FGGY: variants seen among roughly 807,000 people sequenced by gnomAD.
FGGY encodes FGGY carbohydrate kinase domain containing.
In FGGY, 72 loss-of-function variants were observed where a neutral mutation model predicts 71.3. The ratio of observed to expected loss-of-function variants is 1.01; its 90% CI spans 0.84 to 1.23. The LOEUF (loss-of-function observed/expected upper bound fraction) is 1.23. FGGY is among the 50% of genes most tolerant of loss of function. The pLI is 0.00. For missense variants in FGGY, 668 were observed against 682.3 expected (o/e 0.98, Z 0.23); for synonymous variants, 251 against 250.3 (o/e 1.00, Z -0.02).
intron 8 of FGGY, among the ~76,000 whole-genome samples, chr1:59,593,176 T>G (rs898402222): frequency 6.6e-6 from 1 of 152,210 alleles, no homozygotes; most frequent in African/African-American, 2.4e-5. Flanking sequence ...GTGATGAGCA[T>G]TTGTTGAGTG....
chr1:59,437,856 T>C (rs773676872), intron 5 of FGGY, among the ~76,000 whole-genome samples: 1 of 152,326 alleles, frequency 6.6e-6, no homozygotes, highest in South Asian at 2.1e-4. Context: ...AGGAAAATCA[T>C]GTAGTGAAGT....
intron 7 of FGGY, among the ~76,000 whole-genome samples, chr1:59,525,990 C>A (rs564185447): frequency 7.9e-5 from 12 of 151,946 alleles, no homozygotes; most frequent in African/African-American, 2.7e-4. Flanking sequence ...TGTCTGAATG[C>A]GTGTGTGTAT....
intron 14 of FGGY, among the ~76,000 whole-genome samples, chr1:59,756,416 A>T (rs1234423132): frequency 6.6e-6 from 1 of 152,230 alleles, no homozygotes; most frequent in Non-Finnish European, 1.5e-5. Flanking sequence ...AATTCGTGTA[A>T]GCTAGCAGAT....
At chr1:59,713,053 C>T (rs902541887) in intron 14 of FGGY, among the ~76,000 whole-genome samples, 3 of 152,144 alleles carry the variant, frequency 2.0e-5, no homozygotes, top group African/African-American at 7.2e-5. Context: ...TTAGGAATTT[C>T]TTATGCCAGA....
chr1:59,677,323 G>A (rs2097445724), intron 14 of FGGY, among the ~76,000 whole-genome samples: 1 of 152,208 alleles, frequency 6.6e-6, no homozygotes, highest in Admixed American at 6.5e-5. Flanking sequence ...CCTTAAGAAA[G>A]TTGAGCAATT....
At position 59,724,026 on chromosome 1, in the gene FGGY, GGTGGCA is replaced by G. The variant is rs1186660675; in HGVS notation, c.1513-33903_1513-33898del. ...AGAAATGCAAAAATTAGCCAGGCAT[GGTGGCA>G]GGGGCCTGTAATCCCAGCTACTCAG... On this transcript the variant is annotated intron_variant, in intron 14 of 15. Transcript: ENST00000303721. 3.9e-5 allele frequency among the ~76,000 whole-genome samples: 6 copies of G among 152,038 alleles called. No homozygotes were observed. In the South Asian group the frequency reaches 6.2e-4, roughly 16 times the overall value.
intron 2 of FGGY, among the ~76,000 whole-genome samples, chr1:59,334,713 T>C (rs1337154908): frequency 6.6e-6 from 1 of 152,118 alleles, no homozygotes; most frequent in Non-Finnish European, 1.5e-5. Context: ...AAAAAATAAT[T>C]ATATATTTTA....
intron 8 of FGGY, among the ~76,000 whole-genome samples, chr1:59,566,279 TCATTTAGTTCTACATA>T (rs1220945744): frequency 6.6e-6 from 1 of 152,186 alleles, no homozygotes; most frequent in Non-Finnish European, 1.5e-5. Flanking sequence ...ATGCATGAGC[TCATTTAGTTCTACATA>T]CATTTAGTTC....
intron 8 of FGGY, among the ~76,000 whole-genome samples, chr1:59,569,173 C>T (rs1427374793): frequency 6.6e-6 from 1 of 152,140 alleles, no homozygotes; most frequent in African/African-American, 2.4e-5. Context: ...TTCTAATCCT[C>T]ACAACAAATA....
chr1:59,442,515 G>T (rs1382587644), intron 5 of FGGY, among the ~76,000 whole-genome samples: 1 of 151,978 alleles, frequency 6.6e-6, no homozygotes, highest in African/African-American at 2.4e-5. Context: ...ATCTTGAAAG[G>T]TACGAAATCT....
intron 8 of FGGY, among the ~76,000 whole-genome samples, chr1:59,590,589 C>G (rs1304544955): frequency 2.0e-5 from 3 of 152,134 alleles, no homozygotes; most frequent in Non-Finnish European, 2.9e-5. Flanking sequence ...GCTTATCCAC[C>G]ATGATCAAGT....
chr1:59,328,281 C>A (rs1206296438), intron 2 of FGGY, among the ~76,000 whole-genome samples: 2 of 152,224 alleles, frequency 1.3e-5, no homozygotes, highest in South Asian at 2.1e-4. Flanking sequence ...GTATAACTTG[C>A]TGGAGTTTCT....
At chr1:59,361,665 G>A (rs2055547869) in intron 4 of FGGY, among the ~76,000 whole-genome samples, 1 of 152,126 alleles carries the variant, frequency 6.6e-6, no homozygotes, top group African/African-American at 2.4e-5. Flanking sequence ...ATGGGATGGA[G>A]CCAGTTCACC....
chr1:59,669,540 CTTTTTTTTTTTTTTTTT>C (rs58004594), intron 13 of FGGY, among the ~76,000 whole-genome samples: 7 of 102,500 alleles, frequency 6.8e-5, no homozygotes, highest in African/African-American at 2.7e-4. Flanking sequence ...TTCTAGACTT[CTTTTTTTTTTTTTTTTT>C]TTTTTTTTGT....
intron 14 of FGGY, among the ~76,000 whole-genome samples, chr1:59,747,207 C>G (rs76808095): frequency 0.1 from 15,775 of 152,190 alleles, 906 homozygotes; most frequent in Admixed American, 0.19. Context: ...CAAGAAGCTT[C>G]CTATTTTTAC....
chr1:59,451,294 C>A (rs1470214850), intron 5 of FGGY, among the ~76,000 whole-genome samples: 1 of 151,770 alleles, frequency 6.6e-6, no homozygotes, highest in East Asian at 1.9e-4. Flanking sequence ...TCTGTGTACC[C>A]CTTCTCTAGA....
At chr1:59,590,767 T>C (rs2096416958) in intron 8 of FGGY, among the ~76,000 whole-genome samples, 1 of 152,150 alleles carries the variant, frequency 6.6e-6, no homozygotes, top group South Asian at 2.1e-4. Flanking sequence ...CTCAATAAAT[T>C]AGGTATTGAT....
chr1:59,676,105 A>G (rs981925636), intron 14 of FGGY, among the ~76,000 whole-genome samples: 3 of 151,956 alleles, frequency 2.0e-5, no homozygotes, highest in African/African-American at 7.3e-5. Flanking sequence ...GAGAACATAG[A>G]TTTCTGTTGT....
chr1:59,655,541 T>A (rs1186351582), intron 11 of FGGY, among the ~76,000 whole-genome samples: 3 of 152,118 alleles, frequency 2.0e-5, no homozygotes, highest in Non-Finnish European at 2.9e-5. Context: ...GGTTTTCTGT[T>A]CCTGTTAGTT....
Sources: gnomAD v4.1 joint callset for allele counts (sites outside exome capture counted in the v4.1 genomes callset) on GRCh38, gnomAD v4.1.1 for gene constraint, MANE v1.5 for transcripts, NCBI Gene and HGNC (gene_info 2026-07-23, HGNC 2026-07-21) for gene names.